The following EHF variants were observed in gnomAD, a reference collection of about 807,000 sequenced individuals.
EHF encodes the protein ESE3 transcription factor.
Under a neutral mutation model 45.1 loss-of-function variants are expected in EHF, and 14 were observed. The ratio of observed to expected loss-of-function variants is 0.31; its 90% CI spans 0.21 to 0.49. EHF has a LOEUF of 0.49. Among genes scored for constraint, EHF ranks in the 20% least tolerant of loss-of-function variants. The pLI, the probability that EHF is intolerant of heterozygous loss-of-function variation, is 0.99. For synonymous variants in EHF, 136 were observed against 131.8 expected (o/e 1.03, Z -0.22); for missense variants, 282 against 371.4 (o/e 0.76, Z 1.98).
chr11:34,646,609 T>A lies in EHF; in HGVS notation c.268T>A (p.Leu90Met). Residue 90 changes from leucine (L) to methionine (M), a missense_variant, in exon 3 of 9, where the codon TTG (leucine) becomes ATG (methionine). Physicochemically the swap from Leu to Met is conservative, Grantham distance 15. Coordinates refer to ENST00000257831, the MANE Select transcript of EHF (RefSeq NM_012153.6). ...INGEHLCSMS[L>M]QEFTRAAGTA... The stretch of plus-strand genomic sequence containing the variant: ...CGGCGAGCACCTCTGCAGCATGAGT[T>A]TGCAGGAGTTCACCCGGGCGGCAGG... 1 of 1,613,852 alleles carries A rather than the reference T, an allele frequency of 6.2e-7. No individual in the cohort carries two copies. Among genetic ancestry groups the A allele is most frequent in the Middle Eastern group, 1.6e-4 (1 of 6,062 alleles).
At chr11:34,657,931 G>A (rs1855818964) in intron 7 of EHF, among the ~76,000 whole-genome samples, 1 of 152,050 alleles carries the variant, frequency 6.6e-6, no homozygotes, top group Non-Finnish European at 1.5e-5. Context: ...AAAATTCAGT[G>A]GGAGTAAAGT....
chr11:34,648,977 C>T (rs1300011504), intron 3 of EHF, 42 bp from the exon 4 acceptor site: 1 of 1,590,210 alleles, frequency 6.3e-7, no homozygotes, highest in East Asian at 2.2e-5. Flanking sequence ...AGTTCTGGCT[C>T]CATCTGGGCC....
At chr11:34,631,571 C>T (rs1388214030) in intron 1 of EHF, 1 of 984,846 alleles carries the variant, frequency 1.0e-6, no homozygotes, top group East Asian at 1.1e-4. Context: ...CCACCTGGGA[C>T]CTGAGGCCTC....
chr11:34,656,841 G>A, intron 6 of EHF, 67 bp from the exon 7 acceptor site: 1 of 1,550,126 alleles, frequency 6.5e-7, no homozygotes, highest in East Asian at 2.4e-5. Context: ...TAAATGAGTG[G>A]ATGCATGAAT....
intron 3 of EHF, among the ~76,000 whole-genome samples, chr11:34,647,092 C>CG (rs1854637653): frequency 7.0e-6 from 1 of 142,240 alleles, no homozygotes; most frequent in Non-Finnish European, 1.5e-5. Flanking sequence ...AAACCCCCCC[C>CG]ACACACACAC....
chr11:34,642,301 G>GA (rs1179378054), intron 1 of EHF: 1,201 of 160,888 alleles, frequency 7.5e-3, no homozygotes, highest in South Asian at 0.012. Flanking sequence ...AAAAAAAAAA[G>GA]AAAAAAAAAA....
intron 7 of EHF, among the ~76,000 whole-genome samples, chr11:34,658,070 G>T: frequency 6.6e-6 from 1 of 152,126 alleles, no homozygotes; most frequent in Non-Finnish European, 1.5e-5. Context: ...GACCCTTACT[G>T]ATTTGCATTT....
intron 1 of EHF, among the ~76,000 whole-genome samples, chr11:34,638,632 G>A (rs1016071278): frequency 2.6e-5 from 4 of 152,122 alleles, no homozygotes; most frequent in African/African-American, 9.7e-5. Flanking sequence ...GGCATCTAGA[G>A]GGTAGGGGCC....
At chr11:34,637,696 TA>T (rs1853581283) in intron 1 of EHF, among the ~76,000 whole-genome samples, 1 of 152,134 alleles carries the variant, frequency 6.6e-6, no homozygotes, top group South Asian at 2.1e-4. Context: ...TCTCTTCAAA[TA>T]AAGAGTACGA....
chr11:34,651,351 C>T (rs910624449), intron 4 of EHF, among the ~76,000 whole-genome samples, 191 bp from the exon 5 acceptor site: 1 of 152,062 alleles, frequency 6.6e-6, no homozygotes, highest in Non-Finnish European at 1.5e-5. Flanking sequence ...GCCATTTCCC[C>T]GAGGATGCTG....
chr11:34,630,824 C>T (rs117784770), intron 1 of EHF, among the ~76,000 whole-genome samples: 1 of 152,100 alleles, frequency 6.6e-6, no homozygotes, highest in East Asian at 1.9e-4. Flanking sequence ...TGTCGGAACA[C>T]CCAGTTCTTA....
intron 1 of EHF, among the ~76,000 whole-genome samples, chr11:34,632,815 G>A (rs966672802): frequency 1.3e-5 from 2 of 152,104 alleles, no homozygotes; most frequent in African/African-American, 4.8e-5. Flanking sequence ...GTAGGGCAGC[G>A]TCTATGTTTT....
chr11:34,629,332 C>T (rs986732312), intron 1 of EHF, among the ~76,000 whole-genome samples: 3 of 152,050 alleles, frequency 2.0e-5, no homozygotes. Flanking sequence ...GGGCTTGCTA[C>T]GTAAACCAGT....
intron 4 of EHF, among the ~76,000 whole-genome samples, chr11:34,651,068 A>G (rs576231345): frequency 2.6e-5 from 4 of 152,072 alleles, no homozygotes; most frequent in Non-Finnish European, 5.9e-5. Flanking sequence ...CTGTGATAAG[A>G]TTGACAAGAC....
At chr11:34,633,199 T>C (rs1179964319) in intron 1 of EHF, among the ~76,000 whole-genome samples, 1 of 152,196 alleles carries the variant, frequency 6.6e-6, no homozygotes, top group Non-Finnish European at 1.5e-5. Flanking sequence ...TATTGTTGAA[T>C]TTGACCATTT....
intron 1 of EHF, among the ~76,000 whole-genome samples, chr11:34,630,011 A>G (rs1326664360): frequency 2.0e-5 from 3 of 152,204 alleles, no homozygotes; most frequent in Non-Finnish European, 4.4e-5. Context: ...GTGGCTGTGA[A>G]CTGTGTTTCT....
intron 2 of EHF, among the ~76,000 whole-genome samples, chr11:34,646,027 G>GGTGTGTGT (rs71041935): frequency 3.5e-5 from 5 of 144,222 alleles, no homozygotes; most frequent in African/African-American, 5.1e-5. Flanking sequence ...TGAGTTTGGT[G>GGTGTGTGT]GTGTGTGTGT....
intron 1 of EHF, among the ~76,000 whole-genome samples, chr11:34,635,336 T>G (rs1189513926): frequency 6.6e-6 from 1 of 152,028 alleles, no homozygotes. Context: ...ATCCCGAGGC[T>G]GAGCAGAGCC....
At chr11:34,623,457 G>A (rs548787457) in intron 1 of EHF, among the ~76,000 whole-genome samples, 1 of 152,048 alleles carries the variant, frequency 6.6e-6, no homozygotes, top group Non-Finnish European at 1.5e-5. Flanking sequence ...CTTTGTGGAC[G>A]TCAGGAAAGC....
Sources: gnomAD v4.1 joint callset for allele counts (sites outside exome capture counted in the v4.1 genomes callset) on GRCh38, gnomAD v4.1.1 for gene constraint, MANE v1.5 for transcripts, NCBI Gene and HGNC (gene_info 2026-07-23, HGNC 2026-07-21) for gene names.